CBR4: variants seen among roughly 807,000 people sequenced by gnomAD.
The protein encoded by CBR4 is carbonyl reductase 4.
A neutral mutation model predicts 21.0 loss-of-function variants in CBR4; 22 were observed. That is an observed-to-expected ratio of 1.05 (90% CI 0.75 to 1.50). The LOEUF (loss-of-function observed/expected upper bound fraction) is 1.50. Among genes scored for constraint, CBR4 ranks in the 40% most tolerant of loss-of-function variants. CBR4 has a pLI of 0.00. For missense variants in CBR4, 302 were observed against 286.3 expected, an observed-to-expected ratio of 1.05 and a Z score of -0.40; for synonymous variants, 100 against 104.4, an observed-to-expected ratio of 0.96 and a Z score of 0.26.
intron 2 of CBR4, chr4:168,927,790 G>A (rs527509770): frequency 2.8e-5 from 6 of 217,678 alleles, no homozygotes; most frequent in South Asian, 1.9e-4. Context: ...GTTTTAAGTC[G>A]GAACCGATAA....
chr4:168,926,480 T>C (rs1487952208), intron 2 of CBR4: 3 of 815,666 alleles, frequency 3.7e-6, no homozygotes, highest in African/African-American at 4.2e-5. Flanking sequence ...AAACATACCT[T>C]TGACTATAAG....
rs1433978939 is a variant in CBR4, at chr4:168,989,741, G to C, written c.*409C>G. 1.0e-6 allele frequency: 1 copy of C among 984,690 alleles called. No individual in the cohort carries two copies. 61.0% of individuals were successfully genotyped at this position (984,690 alleles called of 1,614,324 possible). On this transcript the variant is annotated 3_prime_UTR_variant, in exon 5 of 5. Transcript: ENST00000306193. ...AAATCAATACTTGTTTATATGACTTGCAAAATGTCTATACACTAAGATTGC... is the reference window on the plus strand; with the variant it reads ...AAATCAATACTTGTTTATATGACTTCCAAAATGTCTATACACTAAGATTGC...
intron 2 of CBR4, chr4:168,914,211 C>T (rs1379988021): frequency 1.7e-6 from 1 of 604,250 alleles, no homozygotes; most frequent in Non-Finnish European, 2.9e-6. Flanking sequence ...TGGGAACAAA[C>T]ATTCGCTAAT....
intron 2 of CBR4, among the ~76,000 whole-genome samples, chr4:168,956,327 T>C (rs1763682891): frequency 6.6e-6 from 1 of 151,944 alleles, no homozygotes; most frequent in South Asian, 2.1e-4. Flanking sequence ...GGAAATAGGC[T>C]GGGTGCAGTG....
In CBR4 at chr4:168,934,527, C is replaced by T. The variant is rs369079123; in HGVS notation, n.170-39762G>A. 3.3e-5 allele frequency among the ~76,000 whole-genome samples: 5 copies of T among 152,036 alleles called. No homozygotes were observed. In the South Asian group the frequency reaches 1.0e-3, roughly 32 times the overall value. ...TCACAACTGATACTACAGAAACACACAGGATCATTAGAATCTATCATGAAC... is the reference window on the plus strand; with the variant it reads ...TCACAACTGATACTACAGAAACACATAGGATCATTAGAATCTATCATGAAC... On this transcript the variant is annotated intron_variant and non_coding_transcript_variant, in intron 2 of 3. Transcript: ENST00000509108.
At position 169,010,006 on chromosome 4, in the gene CBR4, T is replaced by G; in HGVS notation, c.84A>C (p.Arg28=). The change falls in exon 1 of 5, where the codon CGA becomes CGC. Residue 28 remains arginine, a synonymous_variant. Coordinates refer to ENST00000306193, the MANE Select transcript of CBR4 (RefSeq NM_032783.5). The part of the protein sequence containing the change: ...VAQLMARKGY[R]LAVIARNLEG... ...CCAGGTTTCTGGCAATGACCGCCAG[T>G]CGGTAGCCTTTCCGGGCCATTAACT... 1 of 1,613,538 alleles carries G rather than the reference T, an allele frequency of 6.2e-7. No homozygotes were observed. Among genetic ancestry groups the G allele is most frequent in the Non-Finnish European group, 8.5e-7 (1 of 1,179,848 alleles).
At chr4:168,994,164 T>C (rs541074238) in intron 4 of CBR4, among the ~76,000 whole-genome samples, 5 of 152,206 alleles carry the variant, frequency 3.3e-5, no homozygotes, top group African/African-American at 7.2e-5. Flanking sequence ...CTATAGATGA[T>C]AGATTAACTA....
intron 2 of CBR4, among the ~76,000 whole-genome samples, chr4:168,971,780 A>C (rs945294606): frequency 6.6e-6 from 1 of 152,124 alleles, no homozygotes; most frequent in African/African-American, 2.4e-5. Flanking sequence ...TGCTGTGCAG[A>C]AGCTTTTTAG....
intron 2 of CBR4, among the ~76,000 whole-genome samples, chr4:168,903,407 G>A (rs371615798): frequency 6.6e-6 from 1 of 151,906 alleles, no homozygotes; most frequent in Non-Finnish European, 1.5e-5. Flanking sequence ...TTCATAGAAG[G>A]CCACTTCATA....
rs60552620 is a variant in CBR4, at chr4:169,002,212, C to CAAAAAA, written c.401-13_401-8dup. Reference sequence around the variant, plus strand: ...TTTAAGCCAACAATGCTTCCTAGGACAAAAAAAAAAAAAAAAAAAAAAAAA... The same window carrying CAAAAAA: ...TTTAAGCCAACAATGCTTCCTAGGACAAAAAAAAAAAAAAAAAAAAAAAAAAAAAAA... On this transcript the variant is annotated splice_region_variant and splice_polypyrimidine_tract_variant and intron_variant, in intron 3 of 4. Coordinates refer to ENST00000306193, the MANE Select transcript of CBR4 (RefSeq NM_032783.5). The CAAAAAA allele has an allele frequency of 7.0e-5, 71 of 1,016,918 alleles. No homozygotes were observed. In the African/African-American group the frequency reaches 1.1e-3, roughly 16 times the overall value. The allele number at this position is 1,016,918 out of a possible 1,614,324, so 63.0% of individuals were successfully genotyped here.
intron 2 of CBR4, among the ~76,000 whole-genome samples, chr4:168,923,283 G>C (rs968236522): frequency 2.6e-5 from 4 of 152,210 alleles, no homozygotes; most frequent in African/African-American, 7.2e-5. Flanking sequence ...CTAACTCGTG[G>C]TGTTGGAGAG....
chr4:168,914,968 G>T (rs1466115608), intron 2 of CBR4, among the ~76,000 whole-genome samples: 4 of 152,096 alleles, frequency 2.6e-5, no homozygotes, highest in Admixed American at 2.6e-4. Context: ...CTGTATCTTT[G>T]GGTATAAACA....
chr4:168,953,842 G>C (rs915273452), intron 2 of CBR4, among the ~76,000 whole-genome samples: 1 of 152,080 alleles, frequency 6.6e-6, no homozygotes, highest in Non-Finnish European at 1.5e-5. Flanking sequence ...TGGAAAGTTA[G>C]AGCACATAGA....
downstream of CBR4, among the ~76,000 whole-genome samples, chr4:168,987,334 T>C (rs1234350802): frequency 2.0e-5 from 3 of 152,224 alleles, no homozygotes; most frequent in African/African-American, 7.2e-5. Context: ...TCTCCCCAAC[T>C]ATGGCACAAT....
At chr4:168,900,728 A>C (rs1756329630) in intron 2 of CBR4, among the ~76,000 whole-genome samples, 1 of 152,216 alleles carries the variant, frequency 6.6e-6, no homozygotes, top group Admixed American at 6.5e-5. Context: ...TTTTTAAAAT[A>C]AACTCCATTG....
chr4:168,989,476 T>C lies in CBR4; in HGVS notation c.*674A>G. The C allele has an allele frequency of 1.0e-6, 1 of 985,132 alleles. No homozygotes were observed. The allele number at this position is 985,132 out of a possible 1,614,324, so 61.0% of individuals were successfully genotyped here. On this transcript the variant is annotated 3_prime_UTR_variant, in exon 5 of 5. Transcript: ENST00000306193. Reference sequence around the variant, plus strand: ...CAAAGAAATCAATTCTAAATTCATGTCTTTAATGAATACTATGTTTTGCAA... The same window carrying C: ...CAAAGAAATCAATTCTAAATTCATGCCTTTAATGAATACTATGTTTTGCAA...
intron 2 of CBR4, among the ~76,000 whole-genome samples, chr4:168,953,305 A>G (rs1199606924): frequency 6.6e-6 from 1 of 152,194 alleles, no homozygotes; most frequent in Non-Finnish European, 1.5e-5. Flanking sequence ...CTGTTTCCAG[A>G]CAGTGGGCAA....
chr4:168,952,131 T>C (rs1341188308), intron 2 of CBR4, among the ~76,000 whole-genome samples: 1 of 152,220 alleles, frequency 6.6e-6, no homozygotes, highest in Non-Finnish European at 1.5e-5. Context: ...TTTTTCTTTG[T>C]CTTTGTTGGA....
At chr4:168,926,286 T>A in intron 2 of CBR4, 1 of 1,537,172 alleles carries the variant, frequency 6.5e-7, no homozygotes. Flanking sequence ...ATGCAGCACT[T>A]TCGGACCAGG....
Sources: gnomAD v4.1 joint callset for allele counts (sites outside exome capture counted in the v4.1 genomes callset) on GRCh38, gnomAD v4.1.1 for gene constraint, MANE v1.5 for transcripts, NCBI Gene and HGNC (gene_info 2026-07-23, HGNC 2026-07-21) for gene names.